The following SLC23A1 variants were observed in gnomAD, a reference collection of about 807,000 sequenced individuals.
The protein encoded by SLC23A1 is Na(+)/L-ascorbic acid transporter 1.
A neutral mutation model predicts 62.5 loss-of-function variants in SLC23A1; 31 were observed. That is an observed-to-expected ratio of 0.50 (90% CI 0.37 to 0.67). The LOEUF is 0.67. SLC23A1 is among the 30% of genes least tolerant of loss of function. The pLI, the probability that SLC23A1 is intolerant of heterozygous loss-of-function variation, is 0.00. For synonymous variants in SLC23A1, 271 were observed against 313.2 expected, an observed-to-expected ratio of 0.87 and a Z score of 1.42; for missense variants, 640 against 782.7, an observed-to-expected ratio of 0.82 and a Z score of 2.18.
At chr5:139,374,316 C>T (rs930791603) in intron 13 of SLC23A1, among the ~76,000 whole-genome samples, 15 of 152,114 alleles carry the variant, frequency 9.9e-5, no homozygotes, top group Admixed American at 7.2e-4. Context: ...GGCGTGGTGG[C>T]GGGCACCGGT....
chr5:139,380,239 G>A lies in SLC23A1; in HGVS notation c.616C>T (p.Arg206Ter), dbSNP rs141167635. Reference sequence around the variant, plus strand: ...GAGATGCCCCAGTGGGAGCCAGCTCGGTCGCCAGCAGCTTGGAAGACAGAA... The same window carrying A: ...GAGATGCCCCAGTGGGAGCCAGCTCAGTCGCCAGCAGCTTGGAAGACAGAA... ...GLSVFQAAGD[R>*]AGSHWGISAC... is the part of the protein sequence containing the mutation. Residue 206 changes from arginine to a stop codon, truncating the protein, a stop_gained, in exon 6 of 15, where the codon CGA becomes TGA. Coordinates refer to ENST00000348729, the MANE Select transcript of SLC23A1 (RefSeq NM_005847.5). LOFTEE classifies it high-confidence loss of function. The A allele has an allele frequency of 3.2e-6, 5 of 1,564,746 alleles. No individual in the cohort carries two copies. The highest frequency in any genetic ancestry group is 1.4e-5 in the African/African-American group (1 of 73,740).
upstream of SLC23A1, chr5:139,383,299 A>G: frequency 6.2e-7 from 1 of 1,603,604 alleles, no homozygotes. Context: ...AGAGGGGATG[A>G]CTTGACAAAG....
At chr5:139,375,297 C>T (rs1327438227) in intron 13 of SLC23A1, among the ~76,000 whole-genome samples, 2 of 152,238 alleles carry the variant, frequency 1.3e-5, no homozygotes, top group African/African-American at 2.4e-5. Context: ...TCCCCTGAAA[C>T]CCTCCAGCAG....
chr5:139,383,321 G>A (rs748922323), upstream of SLC23A1: 1 of 1,590,296 alleles, frequency 6.3e-7, no homozygotes, highest in South Asian at 1.1e-5. Flanking sequence ...CCAAGGAGGA[G>A]GACTTTACTC....
In SLC23A1 at chr5:139,378,863, A is replaced by G. The variant is rs753552279; in HGVS notation, c.1074-179T>C. On this transcript the variant is annotated intron_variant, in intron 9 of 14. Transcript: ENST00000348729. This position sits in a 1 kb window ranked among gnomAD's most constrained non-coding sequence, Gnocchi z 4.5. ...AGCTAGTCCTAGTGCCCTGGCACTTACTCCTGTGGGTAATTCTGGCCTTCA... is the reference window on the plus strand; with the variant it reads ...AGCTAGTCCTAGTGCCCTGGCACTTGCTCCTGTGGGTAATTCTGGCCTTCA... Among the ~76,000 whole-genome samples, 1 of 152,000 alleles carries G rather than the reference A, an allele frequency of 6.6e-6. No homozygotes were observed. Among genetic ancestry groups the G allele is most frequent in the Non-Finnish European group, 1.5e-5 (1 of 68,004 alleles).
chr5:139,384,755 A>G, upstream of SLC23A1: 1 of 985,310 alleles, frequency 1.0e-6, no homozygotes, highest in Non-Finnish European at 1.2e-6. Context: ...CCACACACCC[A>G]GAGCTGATGC....
At position 139,380,387 on chromosome 5, in the gene SLC23A1, G is replaced by A. The variant is rs61752577; in HGVS notation, c.468C>T (p.Val156=). The change falls in exon 6 of 15, where the codon GTC becomes GTT. Residue 156 remains valine, a splice_region_variant and synonymous_variant. Transcript: ENST00000348729. ...CGCTGGACACCATGATTGCACCCTG[G>A]ACCTGGAAGGGCAAACATCAGCCGT... ...SHIWHPRIRE[V]QGAIMVSSVV... 13 of 1,613,250 alleles carry A rather than the reference G, an allele frequency of 8.1e-6. No individual in the cohort carries two copies. The highest frequency in any genetic ancestry group is 1.1e-5 in the Non-Finnish European group (13 of 1,179,760).
Position 139,381,517 on chromosome 5 carries a change from G to A in SLC23A1, c.308+375C>T, listed in dbSNP as rs562225715. 8.6e-5 allele frequency among the ~76,000 whole-genome samples: 13 copies of A among 151,540 alleles called. No homozygotes were observed. The South Asian group carries it at 2.7e-3, about 32-fold the overall frequency. ...GCTAAGGTGGGAGAATCGCTTGAACGCGGGAGAATCGCTTGAACCCGGGAG... is the reference window on the plus strand; with the variant it reads ...GCTAAGGTGGGAGAATCGCTTGAACACGGGAGAATCGCTTGAACCCGGGAG... On this transcript the variant is annotated intron_variant, in intron 3 of 14. Coordinates refer to ENST00000348729, the MANE Select transcript of SLC23A1 (RefSeq NM_005847.5).
In SLC23A1 at chr5:139,378,345, T is replaced by C. The variant is rs1738288043; in HGVS notation, c.1186A>G (p.Ser396Gly). The change falls in exon 11 of 15, where the codon AGC (serine) becomes GGC (glycine). Residue 396 changes from serine (S) to glycine (G), a missense_variant. By Grantham distance (56) the Ser-to-Gly change is moderately conservative. Transcript: ENST00000348729. This position sits in a 1 kb window ranked among gnomAD's most constrained non-coding sequence, Gnocchi z 4.5. Reference protein sequence around the residue: ...IGVLGITKVGSRRVVQYGAAI... With the variant: ...IGVLGITKVGGRRVVQYGAAI... ...GCACCATACTGCACCACGCGCCGGC[T>C]GCCCACCTGCCGGGGAGCCAGCGGG... The C allele has an allele frequency of 1.3e-6, 2 of 1,561,690 alleles. No individual in the cohort carries two copies.
chr5:139,368,586 TCTTC>T (rs1389143052), intron 14 of SLC23A1: 1 of 607,488 alleles, frequency 1.6e-6, no homozygotes, highest in African/African-American at 1.9e-5. Flanking sequence ...TACATCTGGT[TCTTC>T]CTTTTTGGGG....
intron 14 of SLC23A1, among the ~76,000 whole-genome samples, chr5:139,370,074 AAG>A (rs1757560587): frequency 6.6e-6 from 1 of 152,184 alleles, no homozygotes; most frequent in Non-Finnish European, 1.5e-5. Context: ...GAAAAAGATT[AAG>A]AGAGCCATAT....
rs1758290576 is a variant in SLC23A1, at chr5:139,381,974, G to A, written c.226C>T (p.Gln76Ter). Residue 76 changes from glutamine (Q) to a stop codon, truncating the protein, a stop_gained, in exon 3 of 15, where the codon CAG becomes TAG. Transcript: ENST00000348729. LOFTEE classifies it high-confidence loss of function. ...CCGATGAGCTGACTAACCATGTGCT[G>A]GTCGTGGCCCACACACAGCGCCTCA... ...LAEALCVGHDQHMVSQLIGTI... is the reference protein window; with the variant it reads ...LAEALCVGHD 1 of 1,599,980 alleles carries A rather than the reference G, an allele frequency of 6.3e-7. No homozygotes were observed. Among genetic ancestry groups the A allele is most frequent in the Non-Finnish European group, 8.5e-7 (1 of 1,173,614 alleles).
rs1410145418 is a variant in SLC23A1, at chr5:139,378,135, A to G, written c.1310-17T>C. 3 of 1,614,134 alleles carry G rather than the reference A, an allele frequency of 1.9e-6. No homozygotes were observed. The Admixed American group carries it at 5.0e-5, about 27-fold the overall frequency. ...TAATCATGCCTAAGGGCGCAAGAGAACGGCTGGAGGCGCCGCACACGCGTA... is the reference window on the plus strand; with the variant it reads ...TAATCATGCCTAAGGGCGCAAGAGAGCGGCTGGAGGCGCCGCACACGCGTA... On this transcript the variant is annotated splice_polypyrimidine_tract_variant and intron_variant, in intron 11 of 14. Coordinates refer to ENST00000348729, the MANE Select transcript of SLC23A1 (RefSeq NM_005847.5). This position sits in a 1 kb window ranked among gnomAD's most constrained non-coding sequence, Gnocchi z 4.5.
At chr5:139,372,357 C>T in intron 13 of SLC23A1, 104 bp from the exon 14 acceptor site, 1 of 1,107,340 alleles carries the variant, frequency 9.0e-7, no homozygotes, top group Admixed American at 2.3e-5. Flanking sequence ...AAGTATCTTC[C>T]TTAACTATCA....
chr5:139,373,387 A>G (rs1757784589), intron 13 of SLC23A1, among the ~76,000 whole-genome samples: 1 of 152,136 alleles, frequency 6.6e-6, no homozygotes, highest in African/African-American at 2.4e-5. Context: ...CATGTTGGCC[A>G]GGCACTGGTG....
At chr5:139,375,698 G>A (rs1334228236) in intron 13 of SLC23A1, among the ~76,000 whole-genome samples, 1 of 152,154 alleles carries the variant, frequency 6.6e-6, no homozygotes. Context: ...AGCTGGGTGT[G>A]GTGGTGCACA....
At chr5:139,384,233 G>T, upstream of SLC23A1, 2 of 761,250 alleles carry the variant, frequency 2.6e-6, no homozygotes, top group Non-Finnish European at 3.6e-6. Flanking sequence ...GCCTGAGATG[G>T]CAGAGGGGGA....
chr5:139,373,505 C>T (rs1258875083), intron 13 of SLC23A1, among the ~76,000 whole-genome samples: 2 of 152,098 alleles, frequency 1.3e-5, no homozygotes, highest in Admixed American at 1.3e-4. Context: ...TAGGAATTCT[C>T]CCTCAGGTGG....
chr5:139,375,216 C>T (rs1757889610), intron 13 of SLC23A1, among the ~76,000 whole-genome samples: 1 of 152,200 alleles, frequency 6.6e-6, no homozygotes, highest in Non-Finnish European at 1.5e-5. Flanking sequence ...ACTACCATCC[C>T]TTATGTCCCT....
Sources: gnomAD v4.1 joint callset for allele counts (sites outside exome capture counted in the v4.1 genomes callset) on GRCh38, gnomAD v4.1.1 for gene constraint, Gnocchi (gnomAD v3.1) non-coding constraint, MANE v1.5 for transcripts, NCBI Gene and HGNC (gene_info 2026-07-23, HGNC 2026-07-21) for gene names.